Variants in ITPR2 observed in about 807,000 individuals in gnomAD.
ITPR2 encodes inositol 1,4,5-trisphosphate receptor type 2, also known as inositol 1,4,5-trisphosphate-gated calcium channel ITPR2.
In ITPR2, 207 loss-of-function variants were observed where a neutral mutation model predicts 317.1. The ratio of observed to expected loss-of-function variants is 0.65; its 90% CI spans 0.58 to 0.73. The LOEUF (loss-of-function observed/expected upper bound fraction) is 0.73, where lower values mean the gene tolerates loss of function less well. Among genes scored for constraint, ITPR2 ranks in the 30% least tolerant of loss-of-function variants. The pLI is 0.00. For synonymous variants in ITPR2, 1,156 were observed against 1,149.1 expected, an observed-to-expected ratio of 1.01 and a Z score of -0.12; for missense variants, 2,613 against 3,284.0, an observed-to-expected ratio of 0.80 and a Z score of 4.99.
intron 33 of ITPR2, 86 bp downstream of exon 33, chr12:26,579,941 A>G: frequency 1.0e-6 from 1 of 994,158 alleles, no homozygotes; most frequent in Non-Finnish European, 1.5e-6. Flanking sequence ...GAAGTGTAGG[A>G]GATGACTTCC....
At chr12:26,351,386 C>A (rs905930265) in intron 55 of ITPR2, among the ~76,000 whole-genome samples, 1 of 152,222 alleles carries the variant, frequency 6.6e-6, no homozygotes, top group African/African-American at 2.4e-5. Context: ...GAGCAAGGGG[C>A]CTGCCCAGCA....
chr12:26,388,192 T>A (rs1416773943), intron 54 of ITPR2, among the ~76,000 whole-genome samples: 1 of 152,206 alleles, frequency 6.6e-6, no homozygotes, highest in African/African-American at 2.4e-5. Flanking sequence ...CAGGGCACAT[T>A]TTTAAGCCTT....
chr12:26,373,276 G>A (rs893567257), intron 55 of ITPR2, among the ~76,000 whole-genome samples: 2 of 152,212 alleles, frequency 1.3e-5, no homozygotes, highest in Admixed American at 6.5e-5. Flanking sequence ...GATAATGGAA[G>A]TCACTTGGAT....
chr12:26,353,491 C>G (rs1938543853), intron 55 of ITPR2, among the ~76,000 whole-genome samples: 1 of 152,132 alleles, frequency 6.6e-6, no homozygotes. Flanking sequence ...AGGGGTCTGC[C>G]CAAATTTTCC....
rs58076635 is a variant in ITPR2 at position 26,764,510 on chromosome 12, C to T, written c.163+25647G>A. ...TCCAAAATATACAAAGAAACTTTAA[C>T]GCTCAACAACAAGAAAATAAACAAC... On this transcript the variant is annotated intron_variant, in intron 2 of 56. Coordinates refer to ENST00000381340, the MANE Select transcript of ITPR2 (RefSeq NM_002223.4). Among the ~76,000 whole-genome samples, 1,313 of 151,980 alleles carry T rather than the reference C, an allele frequency of 8.6e-3. 14 individuals are homozygous for T. Among genetic ancestry groups the T allele is most frequent in the African/African-American group, 0.019 (774 of 41,512 alleles).
chr12:26,687,475 A>G (rs1948149596), intron 10 of ITPR2, among the ~76,000 whole-genome samples: 1 of 152,196 alleles, frequency 6.6e-6, no homozygotes, highest in East Asian at 1.9e-4. Flanking sequence ...CAGGAAGGTG[A>G]ATGAAACTGA....
intron 37 of ITPR2, among the ~76,000 whole-genome samples, chr12:26,542,361 G>T (rs1324731640): frequency 1.3e-5 from 2 of 152,130 alleles, no homozygotes; most frequent in Non-Finnish European, 2.9e-5. Context: ...AACCTGTTTG[G>T]ATCTAACATG....
At chr12:26,362,984 A>T (rs565676089) in intron 55 of ITPR2, among the ~76,000 whole-genome samples, 13 of 152,368 alleles carry the variant, frequency 8.5e-5, no homozygotes, top group African/African-American at 2.9e-4. Context: ...TTATGGCAGC[A>T]TCACGAGTCA....
At chr12:26,631,722 A>AT in intron 22 of ITPR2, 144 bp downstream of exon 22, 1 of 659,986 alleles carries the variant, frequency 1.5e-6, no homozygotes, top group South Asian at 2.0e-5. Flanking sequence ...ATTTTTTACC[A>AT]GGTTTGTCAT....
intron 21 of ITPR2, among the ~76,000 whole-genome samples, chr12:26,643,900 C>T (rs1279965265): frequency 6.6e-6 from 1 of 152,158 alleles, no homozygotes; most frequent in African/African-American, 2.4e-5. Context: ...AATCCTCAGC[C>T]TATCCATATT....
chr12:26,629,203 T>G (rs1296896811), intron 22 of ITPR2, among the ~76,000 whole-genome samples: 3 of 152,116 alleles, frequency 2.0e-5, no homozygotes, highest in Non-Finnish European at 4.4e-5. Context: ...AGCACTGGAG[T>G]GCCTGCACTT....
At chr12:26,650,713 T>C (rs1429942295) in intron 21 of ITPR2, among the ~76,000 whole-genome samples, 3 of 152,186 alleles carry the variant, frequency 2.0e-5, no homozygotes, top group Non-Finnish European at 4.4e-5. Flanking sequence ...AAGAATAATT[T>C]AGTTTAGATT....
intron 32 of ITPR2, among the ~76,000 whole-genome samples, chr12:26,593,229 T>C (rs1266494942): frequency 1.3e-5 from 2 of 152,202 alleles, no homozygotes; most frequent in African/African-American, 2.4e-5. Flanking sequence ...TTGTTAAAAA[T>C]GTAAAGTCTT....
At chr12:26,818,816 C>T (rs1260002174) in intron 1 of ITPR2, among the ~76,000 whole-genome samples, 2 of 152,074 alleles carry the variant, frequency 1.3e-5, no homozygotes, top group Admixed American at 1.3e-4. Context: ...GTTATGTCCC[C>T]GATATTAGCA....
chr12:26,552,023 C>G (rs1944536907), intron 36 of ITPR2, among the ~76,000 whole-genome samples: 1 of 152,092 alleles, frequency 6.6e-6, no homozygotes, highest in Admixed American at 6.5e-5. Context: ...GGAGACGGAG[C>G]AAGGCGAGTG....
intron 45 of ITPR2, among the ~76,000 whole-genome samples, chr12:26,462,830 C>A (rs1429950346): frequency 6.6e-6 from 1 of 151,628 alleles, no homozygotes; most frequent in Non-Finnish European, 1.5e-5. Flanking sequence ...TGCCACCATG[C>A]CTGGCTAATT....
At chr12:26,693,383 C>T (rs1948276068) in intron 10 of ITPR2, among the ~76,000 whole-genome samples, 1 of 152,160 alleles carries the variant, frequency 6.6e-6, no homozygotes, top group African/African-American at 2.4e-5. Flanking sequence ...ATCATTTATA[C>T]AGTTTGTGCT....
intron 1 of ITPR2, among the ~76,000 whole-genome samples, chr12:26,800,506 T>C (rs1950538254): frequency 6.6e-6 from 1 of 152,208 alleles, no homozygotes; most frequent in Non-Finnish European, 1.5e-5. Context: ...TACACCCCTG[T>C]AGTCCCAGCT....
intron 2 of ITPR2, among the ~76,000 whole-genome samples, chr12:26,737,412 C>T (rs1387343633): frequency 3.3e-5 from 5 of 152,068 alleles, no homozygotes; most frequent in Admixed American, 6.6e-5. Context: ...CGCCCTACGA[C>T]GCCCAGCTAA....
Sources: allele counts gnomAD v4.1 joint callset (sites outside exome capture counted in the v4.1 genomes callset), GRCh38; gene constraint gnomAD v4.1.1; transcripts MANE v1.5; gene names NCBI Gene and HGNC (gene_info 2026-07-23, HGNC 2026-07-21).